Variants in SLC2A13 observed in about 807,000 individuals in gnomAD.
SLC2A13 encodes the protein solute carrier family 2 member 13, also known as proton myo-inositol cotransporter.
In SLC2A13, 32 loss-of-function variants were observed where a neutral mutation model predicts 64.4. The observed-to-expected ratio is 0.50, with a 90% CI of 0.37 to 0.67. The LOEUF is 0.67. Ranked by LOEUF, SLC2A13 falls within the 30% of genes least tolerant of loss-of-function variation. The pLI, the probability that SLC2A13 is intolerant of heterozygous loss-of-function variation, is 0.00. For missense variants in SLC2A13, 743 were observed against 829.2 expected, an observed-to-expected ratio of 0.90 and a Z score of 1.28; for synonymous variants, 338 against 327.1, an observed-to-expected ratio of 1.03 and a Z score of -0.36.
chr12:40,044,361 T>A (rs1175049428), intron 2 of SLC2A13, among the ~76,000 whole-genome samples: 1 of 152,072 alleles, frequency 6.6e-6, no homozygotes, highest in African/African-American at 2.4e-5. Context: ...GGTTTCTTTT[T>A]AGGGTGACGA....
At chr12:40,037,990 T>C (rs574366928) in intron 2 of SLC2A13, among the ~76,000 whole-genome samples, 1 of 152,224 alleles carries the variant, frequency 6.6e-6, no homozygotes. Flanking sequence ...AAGAACCAAC[T>C]GTTAACATTG....
chr12:39,818,128 T>A (rs1016292882), intron 7 of SLC2A13, among the ~76,000 whole-genome samples: 9 of 152,192 alleles, frequency 5.9e-5, no homozygotes, highest in South Asian at 4.1e-4. Flanking sequence ...TCAAGTGACA[T>A]CCCCAGGTGT....
intron 1 of SLC2A13, among the ~76,000 whole-genome samples, chr12:40,064,157 A>T (rs1948471621): frequency 6.6e-6 from 1 of 152,092 alleles, no homozygotes; most frequent in Non-Finnish European, 1.5e-5. Context: ...TGTCAGGATG[A>T]TCACTTGAGT....
At chr12:39,838,055 G>A (rs1943068255) in intron 6 of SLC2A13, among the ~76,000 whole-genome samples, 2 of 148,870 alleles carry the variant, frequency 1.3e-5, no homozygotes, top group Non-Finnish European at 3.0e-5. Flanking sequence ...TATTTATTGT[G>A]GCATTATTCA....
intron 1 of SLC2A13, among the ~76,000 whole-genome samples, chr12:40,100,652 T>C (rs1337753869): frequency 1.3e-5 from 2 of 152,130 alleles, no homozygotes; most frequent in Non-Finnish European, 2.9e-5. Flanking sequence ...GGATTGTGTG[T>C]AAAGAACATA....
chr12:39,786,294 T>G (rs987040431), intron 7 of SLC2A13, among the ~76,000 whole-genome samples: 2 of 151,940 alleles, frequency 1.3e-5, no homozygotes, highest in African/African-American at 4.8e-5. Flanking sequence ...GATCTGATGG[T>G]TTTATCAGGG....
intron 7 of SLC2A13, among the ~76,000 whole-genome samples, chr12:39,774,022 T>TATCA (rs1940679001): frequency 6.6e-6 from 1 of 152,204 alleles, no homozygotes; most frequent in Non-Finnish European, 1.5e-5. Flanking sequence ...GTCCCTAAGC[T>TATCA]ATCACCTCAA....
intron 3 of SLC2A13, among the ~76,000 whole-genome samples, chr12:39,988,798 G>T (rs1052764801): frequency 2.6e-5 from 4 of 152,154 alleles, no homozygotes; most frequent in African/African-American, 9.7e-5. Context: ...CAAAGCTTAA[G>T]ATTTTTATCA....
intron 4 of SLC2A13, among the ~76,000 whole-genome samples, chr12:39,940,828 C>T (rs1282643458): frequency 6.6e-6 from 1 of 151,894 alleles, no homozygotes; most frequent in Admixed American, 6.6e-5. Flanking sequence ...GCAGTATATA[C>T]TGCACCATAT....
intron 4 of SLC2A13, among the ~76,000 whole-genome samples, chr12:39,882,215 G>C (rs528361723): frequency 6.6e-6 from 1 of 152,192 alleles, no homozygotes; most frequent in Non-Finnish European, 1.5e-5. Flanking sequence ...TGTGCTACAG[G>C]ATCTCCTGGA....
intron 7 of SLC2A13, among the ~76,000 whole-genome samples, chr12:39,803,493 T>A (rs1052435422): frequency 6.6e-6 from 1 of 152,098 alleles, no homozygotes; most frequent in African/African-American, 2.4e-5. Flanking sequence ...AAAAAATAGC[T>A]ACTGTAAAAA....
intron 3 of SLC2A13, among the ~76,000 whole-genome samples, chr12:40,013,300 C>T (rs180856690): frequency 7.2e-5 from 11 of 152,214 alleles, no homozygotes; most frequent in East Asian, 5.8e-4. Flanking sequence ...TTGTTACCAC[C>T]CTCTTTTCAT....
chr12:40,044,398 T>A (rs1428364927), intron 2 of SLC2A13, among the ~76,000 whole-genome samples: 1 of 152,190 alleles, frequency 6.6e-6, no homozygotes, highest in Non-Finnish European at 1.5e-5. Flanking sequence ...ATTGTGGCGA[T>A]GGTTGCATAG....
chr12:39,881,853 A>C (rs1275122072), intron 4 of SLC2A13, among the ~76,000 whole-genome samples: 3 of 151,994 alleles, frequency 2.0e-5, no homozygotes, highest in Middle Eastern at 3.2e-3. Context: ...CTGTTCATTC[A>C]ATAAAGATTT....
intron 3 of SLC2A13, among the ~76,000 whole-genome samples, chr12:39,967,687 C>T (rs1406242847): frequency 6.6e-6 from 1 of 152,132 alleles, no homozygotes; most frequent in African/African-American, 2.4e-5. Flanking sequence ...CTAAAAAGTA[C>T]TATTCATAAA....
rs558347675 is a variant in SLC2A13, at chr12:39,991,617, G to T, written c.925+36684C>A. Among the ~76,000 whole-genome samples, 8 of 152,210 alleles carry T rather than the reference G, an allele frequency of 5.3e-5. No homozygotes were observed. In the East Asian group the frequency reaches 5.8e-4, roughly 11 times the overall value. On this transcript the variant is annotated intron_variant, in intron 3 of 9. Transcript: ENST00000280871. ...CATGGGTGCTCTCTTTAGAATACAG[G>T]CTACTTACCAGCCCCTTTGTCCTCT...
intron 7 of SLC2A13, among the ~76,000 whole-genome samples, chr12:39,814,718 T>C (rs1009134888): frequency 6.6e-6 from 1 of 152,176 alleles, no homozygotes; most frequent in East Asian, 1.9e-4. Flanking sequence ...ACCCTGCCTA[T>C]CCTTCAAGGC....
At chr12:39,948,374 T>C (rs61446784) in intron 4 of SLC2A13, among the ~76,000 whole-genome samples, 7,957 of 152,020 alleles carry the variant, frequency 0.052, 370 homozygotes, top group East Asian at 0.14. Context: ...TGTCTATAGA[T>C]AAATATGGTA....
At chr12:39,840,035 T>C (rs1943138761) in intron 6 of SLC2A13, among the ~76,000 whole-genome samples, 1 of 151,808 alleles carries the variant, frequency 6.6e-6, no homozygotes, top group African/African-American at 2.4e-5. Flanking sequence ...TTTTTTTTTG[T>C]TTTGTTTTGT....
Sources: gnomAD v4.1 joint callset for allele counts (sites outside exome capture counted in the v4.1 genomes callset) on GRCh38, gnomAD v4.1.1 for gene constraint, MANE v1.5 for transcripts, NCBI Gene and HGNC (gene_info 2026-07-23, HGNC 2026-07-21) for gene names.